The following GALNT18 variants were observed in gnomAD, a reference collection of about 807,000 sequenced individuals.
The protein encoded by GALNT18 is polypeptide N-acetylgalactosaminyltransferase 18.
GALNT18 carries 44 observed loss-of-function variants against 69.5 expected under a neutral mutation model. That is an observed-to-expected ratio of 0.63 (90% CI 0.50 to 0.81). The LOEUF is 0.81. Ranked by LOEUF, GALNT18 falls within the 40% of genes least tolerant of loss-of-function variation. The pLI is 0.00. For missense variants in GALNT18, 715 were observed against 810.0 expected, an observed-to-expected ratio of 0.88 and a Z score of 1.42; for synonymous variants, 364 against 318.2, an observed-to-expected ratio of 1.14 and a Z score of -1.53.
chr11:11,272,116 C>T (rs1564872384), intron 10 of GALNT18, among the ~76,000 whole-genome samples: 1 of 152,094 alleles, frequency 6.6e-6, no homozygotes, highest in Non-Finnish European at 1.5e-5. Context: ...ATAATTGGAC[C>T]CCTTGTAGCT....
chr11:11,403,773 C>T (rs1854521477), intron 3 of GALNT18, among the ~76,000 whole-genome samples: 1 of 152,150 alleles, frequency 6.6e-6, no homozygotes, highest in South Asian at 2.1e-4. Flanking sequence ...AACTGCTGTG[C>T]CAACTCTCCC....
intron 9 of GALNT18, among the ~76,000 whole-genome samples, chr11:11,322,314 C>T (rs976447153): frequency 1.3e-5 from 2 of 152,228 alleles, no homozygotes; most frequent in African/African-American, 4.8e-5. Context: ...ATAACAGATA[C>T]TGTCCCATAT....
At chr11:11,512,101 C>T (rs1236755327) in intron 1 of GALNT18, among the ~76,000 whole-genome samples, 4 of 152,214 alleles carry the variant, frequency 2.6e-5, no homozygotes, top group Non-Finnish European at 4.4e-5. Context: ...AAAGCCCATC[C>T]AGAAGTCTAA....
intron 3 of GALNT18, among the ~76,000 whole-genome samples, chr11:11,406,190 AT>A (rs1259906423): frequency 1.3e-5 from 2 of 152,168 alleles, no homozygotes; most frequent in African/African-American, 2.4e-5. Flanking sequence ...TAATAGCCAT[AT>A]TTTCCAAGCA....
rs1269101444 is a variant in GALNT18, at chr11:11,618,241, C to T, written c.235+3118G>A. ...ACTTTCCTTCTAACAAAAAGAGGAG[C>T]CTGGACAAGACTCCAAAGCAAAACA... is the stretch of plus-strand genomic sequence containing the variant. On this transcript the variant is annotated intron_variant, in intron 1 of 10. Coordinates refer to ENST00000227756, the MANE Select transcript of GALNT18 (RefSeq NM_198516.3). The surrounding 1 kb of genome is among the most constrained non-coding windows in gnomAD (Gnocchi z 6.1). Among the ~76,000 whole-genome samples, 1 of 152,140 alleles carries T rather than the reference C, an allele frequency of 6.6e-6. No homozygotes were observed. The highest frequency in any genetic ancestry group is 1.5e-5 in the Non-Finnish European group (1 of 68,038).
At chr11:11,274,715 G>A (rs771372928) in intron 10 of GALNT18, among the ~76,000 whole-genome samples, 1 of 152,106 alleles carries the variant, frequency 6.6e-6, no homozygotes. Flanking sequence ...TCCACTCCCT[G>A]ACAAGCCCCA....
At chr11:11,293,003 C>T in intron 10 of GALNT18, 26 bp downstream of exon 10, 1 of 1,342,476 alleles carries the variant, frequency 7.4e-7, no homozygotes, top group Non-Finnish European at 9.6e-7. Flanking sequence ...ATGGCTGCCA[C>T]TGTGCCCGGG....
intron 1 of GALNT18, among the ~76,000 whole-genome samples, chr11:11,529,486 C>T (rs1857591337): frequency 6.6e-6 from 1 of 152,208 alleles, no homozygotes; most frequent in South Asian, 2.1e-4. Flanking sequence ...GGAACTTACA[C>T]CATCTGCTCT....
chr11:11,561,646 G>A (rs1180622909), intron 1 of GALNT18, among the ~76,000 whole-genome samples: 2 of 152,142 alleles, frequency 1.3e-5, no homozygotes, highest in Non-Finnish European at 2.9e-5. Flanking sequence ...AACACTTTCT[G>A]GTCCAGCTTT....
chr11:11,280,428 C>G (rs1590001697), intron 10 of GALNT18, among the ~76,000 whole-genome samples: 1 of 152,142 alleles, frequency 6.6e-6, no homozygotes, highest in African/African-American at 2.4e-5. Context: ...GATCTCACCC[C>G]CTCCCAAATA....
At chr11:11,325,976 A>C (rs1277373397) in intron 9 of GALNT18, among the ~76,000 whole-genome samples, 1 of 152,088 alleles carries the variant, frequency 6.6e-6, no homozygotes, top group Non-Finnish European at 1.5e-5. Context: ...TCGGTAGGCA[A>C]TAGCTCTTTT....
chr11:11,422,283 G>T (rs1458649725), intron 3 of GALNT18, among the ~76,000 whole-genome samples: 2 of 152,264 alleles, frequency 1.3e-5, no homozygotes, highest in African/African-American at 4.8e-5. Flanking sequence ...TCTCAGGCCT[G>T]GTATAGGATG....
Position 11,511,067 on chromosome 11 carries a change from A to G in GALNT18, c.236-62131T>C, listed in dbSNP as rs9943527. Among the ~76,000 whole-genome samples the G allele has an allele frequency of 0.21, 31,906 of 151,908 alleles. 4,008 individuals are homozygous for G. Among genetic ancestry groups the G allele is most frequent in the Non-Finnish European group, 0.27 (18,126 of 67,920 alleles). On this transcript the variant is annotated intron_variant, in intron 1 of 10. Transcript: ENST00000227756. The surrounding 1 kb of genome is among the most constrained non-coding windows in gnomAD (Gnocchi z 4.9). ...CACTTGACTCCTGACAAAGACATGC[A>G]GCCTGCCAGGTGATGCAAGAGAGGG...
intron 10 of GALNT18, among the ~76,000 whole-genome samples, chr11:11,284,709 G>A (rs1352651652): frequency 6.6e-6 from 1 of 151,964 alleles, no homozygotes; most frequent in African/African-American, 2.4e-5. Context: ...CAGCCCAGTG[G>A]GTCTTTGGCT....
chr11:11,368,258 T>C (rs1850815572), intron 6 of GALNT18, among the ~76,000 whole-genome samples: 1 of 152,268 alleles, frequency 6.6e-6, no homozygotes, highest in Non-Finnish European at 1.5e-5. Context: ...TTTGATATTC[T>C]GTAGTTCCTC....
intron 1 of GALNT18, among the ~76,000 whole-genome samples, chr11:11,502,677 T>A (rs1180692407): frequency 6.6e-6 from 1 of 152,250 alleles, no homozygotes; most frequent in Non-Finnish European, 1.5e-5. Context: ...TGTTAGCACA[T>A]GAACAGCATG....
At chr11:11,287,247 A>C (rs1849211491) in intron 10 of GALNT18, among the ~76,000 whole-genome samples, 1 of 152,202 alleles carries the variant, frequency 6.6e-6, no homozygotes, top group Non-Finnish European at 1.5e-5. Flanking sequence ...ATTCAAACAT[A>C]TAGATGGACT....
intron 10 of GALNT18, among the ~76,000 whole-genome samples, chr11:11,280,496 CCTTGT>C (rs1344410677): frequency 6.6e-6 from 1 of 152,066 alleles, no homozygotes; most frequent in Non-Finnish European, 1.5e-5. Context: ...GCGCTAAAAT[CCTTGT>C]CTTGAGCTCC....
At chr11:11,571,353 T>C (rs1858789110) in intron 1 of GALNT18, among the ~76,000 whole-genome samples, 1 of 152,194 alleles carries the variant, frequency 6.6e-6, no homozygotes, top group Non-Finnish European at 1.5e-5. Context: ...AGAAAACCAA[T>C]GAGTCTGCAA....
Sources: allele counts gnomAD v4.1 joint callset (sites outside exome capture counted in the v4.1 genomes callset), GRCh38; gene constraint gnomAD v4.1.1; non-coding constraint Gnocchi (gnomAD v3.1); transcripts MANE v1.5; gene names NCBI Gene and HGNC (gene_info 2026-07-23, HGNC 2026-07-21).